ELMO1: variants seen among roughly 807,000 people sequenced by gnomAD.
ELMO1 encodes the protein engulfment and cell motility 1, also known as engulfment and cell motility protein 1.
ELMO1 carries 26 observed loss-of-function variants against 98.9 expected under a neutral mutation model. The ratio of observed to expected loss-of-function variants is 0.26; its 90% CI spans 0.19 to 0.36. ELMO1 has a LOEUF of 0.36. Among genes scored for constraint, ELMO1 ranks in the 10% least tolerant of loss-of-function variants. The pLI, the probability that ELMO1 is intolerant of heterozygous loss-of-function variation, is 1.00. For synonymous variants in ELMO1, 346 were observed against 346.0 expected, an observed-to-expected ratio of 1.00 and a Z score of 0.00; for missense variants, 627 against 935.2, an observed-to-expected ratio of 0.67 and a Z score of 4.30.
At chr7:37,135,656 C>G (rs1223233946) in intron 13 of ELMO1, among the ~76,000 whole-genome samples, 1 of 152,136 alleles carries the variant, frequency 6.6e-6, no homozygotes, top group Non-Finnish European at 1.5e-5. Context: ...TCTTAGGAAG[C>G]CACATTCCTA....
intron 6 of ELMO1, among the ~76,000 whole-genome samples, chr7:37,251,412 T>C (rs113168142): frequency 2.0e-5 from 3 of 152,332 alleles, no homozygotes; most frequent in African/African-American, 7.2e-5. Flanking sequence ...GCTCATGCTC[T>C]GTCAAGATGA....
At chr7:37,237,395 T>C (rs772477173) in intron 7 of ELMO1, among the ~76,000 whole-genome samples, 2 of 152,162 alleles carry the variant, frequency 1.3e-5, no homozygotes, top group African/African-American at 2.4e-5. Flanking sequence ...GTTGAAGCGA[T>C]TCTCCTGCCT....
intron 13 of ELMO1, among the ~76,000 whole-genome samples, chr7:37,144,169 G>A (rs1221733790): frequency 3.2e-4 from 9 of 27,936 alleles, no homozygotes; most frequent in South Asian, 1.6e-3. Context: ...TTTCAATGAC[G>A]TGCCTAAATT....
At chr7:37,253,766 C>T (rs1217661596) in intron 6 of ELMO1, among the ~76,000 whole-genome samples, 3 of 150,288 alleles carry the variant, frequency 2.0e-5, no homozygotes, top group Admixed American at 6.6e-5. Context: ...TAATGAGGGG[C>T]GGGCAAGTCA....
At chr7:37,305,797 T>C (rs1424683305) in intron 4 of ELMO1, among the ~76,000 whole-genome samples, 2 of 152,236 alleles carry the variant, frequency 1.3e-5, no homozygotes, top group East Asian at 1.9e-4. Flanking sequence ...CAGTTTTTGA[T>C]TGTAAAGTAC....
At chr7:37,355,078 A>G (rs1228186345) in intron 1 of ELMO1, among the ~76,000 whole-genome samples, 1 of 152,174 alleles carries the variant, frequency 6.6e-6, no homozygotes, top group African/African-American at 2.4e-5. Flanking sequence ...ACGGAATACC[A>G]TTAGGCTCTT....
chr7:37,437,424 A>T (rs1387596539), intron 1 of ELMO1, among the ~76,000 whole-genome samples: 2 of 152,240 alleles, frequency 1.3e-5, no homozygotes, highest in Non-Finnish European at 2.9e-5. Context: ...TACATCAGTT[A>T]TTTTAATTCA....
At chr7:37,083,137 T>C (rs1324051609) in intron 15 of ELMO1, among the ~76,000 whole-genome samples, 1 of 152,180 alleles carries the variant, frequency 6.6e-6, no homozygotes, top group Non-Finnish European at 1.5e-5. Context: ...GAGCCAGAAC[T>C]AGAATCCAGG....
At chr7:37,122,637 A>T (rs1051048707) in intron 14 of ELMO1, among the ~76,000 whole-genome samples, 1 of 152,236 alleles carries the variant, frequency 6.6e-6, no homozygotes, top group Non-Finnish European at 1.5e-5. Flanking sequence ...TTCATAAAGC[A>T]AGTCCTTAGA....
At position 36,967,924 on chromosome 7, in the gene ELMO1, G is replaced by T. The variant is rs545864981; in HGVS notation, c.1437+45375C>A. ...CAGGCATGATTTTTGTATGTGCTTT[G>T]CCTGTTATTATAACCCTTCCATTAT... On this transcript the variant is annotated intron_variant, in intron 16 of 21. Coordinates refer to ENST00000310758, the MANE Select transcript of ELMO1 (RefSeq NM_014800.11). Among the ~76,000 whole-genome samples the T allele has an allele frequency of 2.3e-4, 35 of 152,064 alleles. 1 individual carries two copies. The highest frequency in any genetic ancestry group is 1.5e-3 in the Admixed American group (23 of 15,284).
At chr7:37,168,410 G>A (rs1436208018) in intron 13 of ELMO1, among the ~76,000 whole-genome samples, 1 of 152,186 alleles carries the variant, frequency 6.6e-6, no homozygotes, top group East Asian at 1.9e-4. Context: ...AGACAGAGGT[G>A]CTCTGCTTTT....
chr7:36,986,267 A>G, intron 16 of ELMO1: 2 of 985,344 alleles, frequency 2.0e-6, no homozygotes, highest in South Asian at 4.7e-5. Context: ...TCATTTATTT[A>G]GCATCTTCAG....
At chr7:36,974,593 C>G (rs1260541315) in intron 16 of ELMO1, among the ~76,000 whole-genome samples, 1 of 151,326 alleles carries the variant, frequency 6.6e-6, no homozygotes, top group Non-Finnish European at 1.5e-5. Context: ...ACGCACCAAT[C>G]AGCGCCCTGT....
chr7:37,121,496 A>C (rs1786035884), intron 14 of ELMO1, among the ~76,000 whole-genome samples: 1 of 152,240 alleles, frequency 6.6e-6, no homozygotes, highest in Admixed American at 6.5e-5. Flanking sequence ...TTCAGTAGCC[A>C]ATTCGATCAG....
At chr7:37,309,539 T>C (rs1798790653) in intron 4 of ELMO1, among the ~76,000 whole-genome samples, 1 of 152,204 alleles carries the variant, frequency 6.6e-6, no homozygotes, top group African/African-American at 2.4e-5. Flanking sequence ...CTTCAGTTGA[T>C]CAAATCCAGA....
At chr7:37,065,437 G>A (rs1407158138) in intron 15 of ELMO1, among the ~76,000 whole-genome samples, 1 of 152,096 alleles carries the variant, frequency 6.6e-6, no homozygotes, top group African/African-American at 2.4e-5. Context: ...AAACAATTCA[G>A]TCCTCTTCTA....
intron 15 of ELMO1, among the ~76,000 whole-genome samples, chr7:37,094,927 C>T (rs1310564195): frequency 6.6e-6 from 1 of 152,184 alleles, no homozygotes; most frequent in Non-Finnish European, 1.5e-5. Flanking sequence ...ACCTCCTACA[C>T]CAGATCACTC....
intron 15 of ELMO1, among the ~76,000 whole-genome samples, chr7:37,014,621 C>T (rs1295412165): frequency 1.3e-5 from 2 of 152,004 alleles, no homozygotes; most frequent in East Asian, 3.9e-4. Flanking sequence ...CTCTCTATCC[C>T]CCAGTCCCCC....
intron 13 of ELMO1, among the ~76,000 whole-genome samples, chr7:37,142,640 T>G (rs1373983776): frequency 6.6e-6 from 1 of 152,226 alleles, no homozygotes; most frequent in Non-Finnish European, 1.5e-5. Context: ...TTACATAGAC[T>G]GAGAAAACTG....
Sources: allele counts gnomAD v4.1 joint callset (sites outside exome capture counted in the v4.1 genomes callset), GRCh38; gene constraint gnomAD v4.1.1; transcripts MANE v1.5; gene names NCBI Gene and HGNC (gene_info 2026-07-23, HGNC 2026-07-21).